The following PAX2 variants were observed in gnomAD, a reference collection of about 807,000 sequenced individuals.
PAX2 encodes the protein paired box 2, also known as paired box protein Pax-2.
PAX2 carries 9 observed loss-of-function variants against 41.7 expected under a neutral mutation model. The ratio of observed to expected loss-of-function variants is 0.22; its 90% confidence interval spans 0.13 to 0.38. PAX2 has a LOEUF of 0.38. Among genes scored for constraint, PAX2 ranks in the 10% least tolerant of loss-of-function variants. The pLI, the probability that PAX2 is intolerant of heterozygous loss-of-function variation, is 1.00. For missense variants in PAX2, 418 were observed against 531.6 expected (o/e 0.79, Z 2.10); for synonymous variants, 221 against 212.7 (o/e 1.04, Z -0.34).
intron 3 of PAX2, 141 bp from the exon 4 acceptor site, chr10:100,779,357 G>T: frequency 2.6e-6 from 2 of 772,640 alleles, no homozygotes; most frequent in Non-Finnish European, 4.6e-6. Flanking sequence ...GCAGCAGTCA[G>T]TGAGGGCAGG....
intron 5 of PAX2, among the ~76,000 whole-genome samples, chr10:100,792,480 C>T (rs1196799595): frequency 2.0e-5 from 3 of 152,232 alleles, no homozygotes; most frequent in Admixed American, 2.0e-4. Flanking sequence ...GTCTATCTCC[C>T]TTCTCTTTCT....
intron 5 of PAX2, among the ~76,000 whole-genome samples, chr10:100,781,754 T>G (rs998799): frequency 0.27 from 40,712 of 152,070 alleles, 6,497 homozygotes; most frequent in African/African-American, 0.43. Context: ...GGAGGTGAGG[T>G]AGTGATGTCA....
chr10:100,756,522 T>G (rs1412177565), intron 3 of PAX2, among the ~76,000 whole-genome samples: 1 of 152,222 alleles, frequency 6.6e-6, no homozygotes, highest in African/African-American at 2.4e-5. Context: ...TCCAACACTT[T>G]GGTATAAAAT....
intron 4 of PAX2, among the ~76,000 whole-genome samples, chr10:100,779,801 C>T (rs1056966390): frequency 2.0e-5 from 3 of 152,090 alleles, no homozygotes; most frequent in African/African-American, 7.2e-5. Context: ...CTCCCTCTGC[C>T]CTGCTTTAGT....
chr10:100,770,855 A>C (rs1019847162), intron 3 of PAX2, among the ~76,000 whole-genome samples: 2 of 152,232 alleles, frequency 1.3e-5, no homozygotes, highest in Non-Finnish European at 2.9e-5. Context: ...GTCAGGGTTA[A>C]TAGATGGAGA....
upstream of PAX2, among the ~76,000 whole-genome samples, chr10:100,742,835 CT>C (rs1845011388): frequency 5.1e-5 from 3 of 59,170 alleles, no homozygotes; most frequent in South Asian, 1.4e-3. Context: ...CTTTCCTCTT[CT>C]TTCTTCCTTT....
rs1386584374 is a variant in PAX2, at chr10:100,764,417, C to G, written c.410+13526C>G. On this transcript the variant is annotated intron_variant, in intron 3 of 9. Coordinates refer to ENST00000355243, the MANE Select transcript of PAX2 (RefSeq NM_000278.5). ...TTGGCCTCCCAAAGTGCTGGGATTA[C>G]AGGCGTCAGCCACCGTGGCCGGCCT... is the stretch of plus-strand genomic sequence containing the variant. 1.3e-5 allele frequency among the ~76,000 whole-genome samples: 2 copies of G among 152,140 alleles called. 1 individual carries two copies. Among genetic ancestry groups the G allele is most frequent in the South Asian group, 4.1e-4 (2 of 4,828 alleles).
chr10:100,813,397 T>G (rs1184727363), intron 7 of PAX2, among the ~76,000 whole-genome samples: 1 of 152,218 alleles, frequency 6.6e-6, no homozygotes, highest in Non-Finnish European at 1.5e-5. Flanking sequence ...AATCTCACTC[T>G]TTGGTGCCAG....
intron 3 of PAX2, among the ~76,000 whole-genome samples, chr10:100,768,118 C>A (rs1032635544): frequency 1.3e-5 from 2 of 151,028 alleles, no homozygotes; most frequent in African/African-American, 4.9e-5. Flanking sequence ...AAATCTCAAA[C>A]ACCCCAGGAA....
chr10:100,813,111 A>C (rs1434615039), intron 7 of PAX2, among the ~76,000 whole-genome samples: 1 of 152,274 alleles, frequency 6.6e-6, no homozygotes, highest in Non-Finnish European at 1.5e-5. Context: ...TGTCCTGAGC[A>C]GCACGTGGCC....
At chr10:100,767,277 G>A (rs1163982206) in intron 3 of PAX2, among the ~76,000 whole-genome samples, 2 of 152,148 alleles carry the variant, frequency 1.3e-5, no homozygotes, top group Non-Finnish European at 2.9e-5. Flanking sequence ...TCCCAAGCAC[G>A]ATGCAGCCTG....
At chr10:100,755,208 G>A (rs1376233160) in intron 3 of PAX2, among the ~76,000 whole-genome samples, 2 of 152,232 alleles carry the variant, frequency 1.3e-5, no homozygotes, top group East Asian at 3.9e-4. Flanking sequence ...TTTTGTTTTT[G>A]TAGTTGTTTT....
chr10:100,772,309 C>A (rs1272082359), intron 3 of PAX2, among the ~76,000 whole-genome samples: 4 of 151,710 alleles, frequency 2.6e-5, no homozygotes, highest in African/African-American at 9.7e-5. Flanking sequence ...ATGTGACACC[C>A]TGCCCGGCTA....
chr10:100,785,012 C>T (rs1041646484), intron 5 of PAX2, among the ~76,000 whole-genome samples: 1 of 152,208 alleles, frequency 6.6e-6, no homozygotes, highest in African/African-American at 2.4e-5. Context: ...ACCCAGAAGA[C>T]AGGCTGTCCA....
intron 3 of PAX2, among the ~76,000 whole-genome samples, chr10:100,773,539 C>A (rs183405240): frequency 6.6e-6 from 1 of 152,090 alleles, no homozygotes; most frequent in Non-Finnish European, 1.5e-5. Flanking sequence ...CTGAGGCGGA[C>A]GGTGGATGGA....
chr10:100,768,215 T>C (rs1209580764), intron 3 of PAX2, among the ~76,000 whole-genome samples: 1 of 152,222 alleles, frequency 6.6e-6, no homozygotes, highest in Non-Finnish European at 1.5e-5. Flanking sequence ...GAAGCAGGTT[T>C]TGATAAATAT....
intron 5 of PAX2, among the ~76,000 whole-genome samples, chr10:100,789,592 A>G (rs1847017848): frequency 6.6e-6 from 1 of 152,222 alleles, no homozygotes; most frequent in South Asian, 2.1e-4. Flanking sequence ...CTTTAACTGC[A>G]TTGGCTCAAC....
At chr10:100,821,641 G>A (rs989396448) in intron 7 of PAX2, among the ~76,000 whole-genome samples, 1 of 152,218 alleles carries the variant, frequency 6.6e-6, no homozygotes, top group Non-Finnish European at 1.5e-5. Context: ...CTGCATCCAG[G>A]TTAGCTGGAA....
upstream of PAX2, among the ~76,000 whole-genome samples, chr10:100,742,548 C>A (rs186516954): frequency 6.6e-6 from 1 of 152,300 alleles, no homozygotes; most frequent in Non-Finnish European, 1.5e-5. Flanking sequence ...ATTTATTGGG[C>A]AGATCAGATG....
Sources: allele counts gnomAD v4.1 joint callset (sites outside exome capture counted in the v4.1 genomes callset), GRCh38; gene constraint gnomAD v4.1.1; transcripts MANE v1.5; gene names NCBI Gene and HGNC (gene_info 2026-07-23, HGNC 2026-07-21).